The following NHS variants were observed in gnomAD, a reference collection of about 807,000 sequenced individuals.
The protein encoded by NHS is actin remodeling regulator NHS.
A neutral mutation model predicts 72.5 loss-of-function variants in NHS; 5 were observed. That is an observed-to-expected ratio of 0.07 (90% CI 0.04 to 0.14). The LOEUF (loss-of-function observed/expected upper bound fraction) is 0.14. Among genes scored for constraint, NHS ranks in the 10% least tolerant of loss-of-function variants. NHS has a pLI of 1.00. For synonymous variants in NHS, 464 were observed against 547.7 expected, an observed-to-expected ratio of 0.85 and a Z score of 2.13; for missense variants, 1,072 against 1,355.7, an observed-to-expected ratio of 0.79 and a Z score of 3.29.
chrX:17,487,392 C>T (rs971656106), intron 1 of NHS, among the ~76,000 whole-genome samples: 6 of 111,665 alleles, frequency 5.4e-5, no homozygotes, highest in African/African-American at 1.3e-4. Flanking sequence ...CACCCTCCAA[C>T]GCAGCCTTTT....
intron 1 of NHS, among the ~76,000 whole-genome samples, chrX:17,466,371 T>C (rs1309754160): frequency 8.9e-6 from 1 of 112,511 alleles, no homozygotes; most frequent in Non-Finnish European, 1.9e-5. Context: ...AATTAGATAA[T>C]GCAAGGCCAC....
chrX:17,655,291 G>A (rs1414890739), intron 1 of NHS, among the ~76,000 whole-genome samples: 1 of 112,156 alleles, frequency 8.9e-6, no homozygotes, highest in Non-Finnish European at 1.9e-5. Flanking sequence ...GAGCAGCTGC[G>A]GTCGGTCCAG....
chrX:17,407,742 G>A (rs187459012), intron 1 of NHS, among the ~76,000 whole-genome samples: 106 of 111,457 alleles, frequency 9.5e-4, no homozygotes, highest in African/African-American at 3.2e-3. Flanking sequence ...CAATTTACAT[G>A]GTGGAGCTGA....
chrX:17,676,009 A>G (rs5955720), intron 1 of NHS, among the ~76,000 whole-genome samples: 4,712 of 111,656 alleles, frequency 0.042, 235 homozygotes, highest in African/African-American at 0.14. Flanking sequence ...AGATTTTAAG[A>G]GACTAACCTC....
At chrX:17,525,523 T>C (rs1228438192) in intron 1 of NHS, among the ~76,000 whole-genome samples, 1 of 112,117 alleles carries the variant, frequency 8.9e-6, no homozygotes, top group Non-Finnish European at 1.9e-5. Context: ...TTTTGTTTTT[T>C]TCTTTATTGA....
At chrX:17,635,335 G>A (rs2065840087) in intron 1 of NHS, 5 of 1,096,015 alleles carry the variant, frequency 4.6e-6, no homozygotes, top group Middle Eastern at 3.6e-4. Context: ...TTAGCAGCCA[G>A]CCTAGCACTT....
chrX:17,690,397 C>T (rs2066188789), intron 2 of NHS, among the ~76,000 whole-genome samples: 1 of 112,051 alleles, frequency 8.9e-6, no homozygotes, highest in African/African-American at 3.2e-5. Context: ...GCTGGAATAG[C>T]CTTGCTTCCA....
chrX:17,537,716 A>C (rs1296754039), intron 1 of NHS, among the ~76,000 whole-genome samples: 1 of 111,957 alleles, frequency 8.9e-6, no homozygotes, highest in East Asian at 2.8e-4. Flanking sequence ...GCAAAGCCAA[A>C]GGGTTTAAAA....
chrX:17,510,033 C>T (rs2065079531), intron 1 of NHS, among the ~76,000 whole-genome samples: 1 of 112,586 alleles, frequency 8.9e-6, no homozygotes, highest in South Asian at 3.6e-4. Context: ...TAAAAGCTCT[C>T]AATCCTGAAA....
intron 1 of NHS, among the ~76,000 whole-genome samples, chrX:17,464,513 T>G (rs911141008): frequency 8.9e-6 from 1 of 112,060 alleles, no homozygotes; most frequent in African/African-American, 3.2e-5. Flanking sequence ...TGTCCTGAAA[T>G]GAGTCCCCAC....
intron 1 of NHS, among the ~76,000 whole-genome samples, chrX:17,481,025 A>G (rs1238305206): frequency 9.0e-6 from 1 of 111,724 alleles, no homozygotes; most frequent in Admixed American, 9.5e-5. Flanking sequence ...AAGTTGGCTT[A>G]AAGTTTAAAC....
intron 1 of NHS, among the ~76,000 whole-genome samples, chrX:17,428,806 A>G (rs1315201854): frequency 9.0e-6 from 1 of 110,772 alleles, no homozygotes; most frequent in East Asian, 2.8e-4. Context: ...CAGCCTTTTT[A>G]TCTCCTTGAA....
chrX:17,400,396 G>A (rs1458447379), intron 1 of NHS, among the ~76,000 whole-genome samples: 1 of 111,270 alleles, frequency 9.0e-6, no homozygotes, highest in African/African-American at 3.3e-5. Flanking sequence ...GACCAGCCTG[G>A]CCAAGATGAT....
chrX:17,660,180 A>G (rs912923700), intron 1 of NHS, among the ~76,000 whole-genome samples: 2 of 112,202 alleles, frequency 1.8e-5, no homozygotes, highest in Admixed American at 1.9e-4. Flanking sequence ...TCCAGCTCCA[A>G]CAGCCCAATG....
chrX:17,683,735 G>C (rs775673427), intron 1 of NHS, among the ~76,000 whole-genome samples: 28 of 111,920 alleles, frequency 2.5e-4, no homozygotes, highest in African/African-American at 8.1e-4. Flanking sequence ...TTTTCCTGTT[G>C]TGGAGGATAA....
intron 1 of NHS, among the ~76,000 whole-genome samples, chrX:17,395,630 C>A (rs984670973): frequency 9.0e-6 from 1 of 111,535 alleles, no homozygotes; most frequent in Non-Finnish European, 1.9e-5. Flanking sequence ...AATAGATTGC[C>A]ATTTTTTTCA....
At chrX:17,378,441 C>T (rs1311037920) in intron 1 of NHS, among the ~76,000 whole-genome samples, 2 of 112,077 alleles carry the variant, frequency 1.8e-5, no homozygotes, top group Non-Finnish European at 3.8e-5. Context: ...TCTCTCTTCT[C>T]TTGTTCATTT....
chrX:17,627,498 T>C (rs1244718962), intron 1 of NHS, among the ~76,000 whole-genome samples: 1 of 111,959 alleles, frequency 8.9e-6, no homozygotes, highest in African/African-American at 3.2e-5. Flanking sequence ...ACATAACTAA[T>C]ACAGCAACTG....
chrX:17,706,208 A>G lies in NHS; in HGVS notation c.853-13136A>G, dbSNP rs143085468. On this transcript the variant is annotated intron_variant, in intron 3 of 8. Coordinates refer to ENST00000676302, the MANE Select transcript of NHS (RefSeq NM_001291867.2). ...CTGTCTCAAAAACAAAACAAAACAAACAAAACAAATTGAAGGGGATTGAGG... is the reference window on the plus strand; with the variant it reads ...CTGTCTCAAAAACAAAACAAAACAAGCAAAACAAATTGAAGGGGATTGAGG... 2.4e-3 allele frequency among the ~76,000 whole-genome samples: 265 copies of G among 110,952 alleles called. 2 individuals are homozygous for G. Among genetic ancestry groups the G allele is most frequent in the Admixed American group, 0.017 (176 of 10,424 alleles).
Sources: allele counts gnomAD v4.1 joint callset (sites outside exome capture counted in the v4.1 genomes callset), GRCh38; gene constraint gnomAD v4.1.1; transcripts MANE v1.5; gene names NCBI Gene and HGNC (gene_info 2026-07-23, HGNC 2026-07-21).